CDK14: variants seen among roughly 807,000 people sequenced by gnomAD.
CDK14 encodes the protein cyclin-dependent kinase 14.
CDK14 carries 34 observed loss-of-function variants against 60.7 expected under a neutral mutation model. The ratio of observed to expected loss-of-function variants is 0.56; its 90% CI spans 0.43 to 0.75. The LOEUF (loss-of-function observed/expected upper bound fraction) is 0.75, where lower values mean the gene tolerates loss of function less well. Among genes scored for constraint, CDK14 ranks in the 30% least tolerant of loss-of-function variants. The pLI, the probability that CDK14 is intolerant of heterozygous loss-of-function variation, is 0.00. For synonymous variants in CDK14, 197 were observed against 203.7 expected, an observed-to-expected ratio of 0.97 and a Z score of 0.28; for missense variants, 482 against 564.1, an observed-to-expected ratio of 0.85 and a Z score of 1.47.
chr7:91,040,677 T>G (rs909889103), intron 10 of CDK14, among the ~76,000 whole-genome samples: 9 of 152,296 alleles, frequency 5.9e-5, no homozygotes, highest in African/African-American at 2.2e-4. Context: ...TGAGCCAGTT[T>G]TGTGTCCCAT....
At chr7:90,877,523 G>C (rs1257345543) in intron 6 of CDK14, among the ~76,000 whole-genome samples, 1 of 152,058 alleles carries the variant, frequency 6.6e-6, no homozygotes, top group East Asian at 1.9e-4. Context: ...TAAAGCTTTG[G>C]ATCTCAATTA....
intron 9 of CDK14, among the ~76,000 whole-genome samples, chr7:90,978,035 G>A (rs1286354898): frequency 2.0e-5 from 3 of 152,136 alleles, no homozygotes; most frequent in East Asian, 1.9e-4. Flanking sequence ...ATAGGTGGTC[G>A]CTGGGAAAGA....
At chr7:90,899,554 T>G (rs1792436546) in intron 7 of CDK14, among the ~76,000 whole-genome samples, 1 of 152,124 alleles carries the variant, frequency 6.6e-6, no homozygotes, top group Non-Finnish European at 1.5e-5. Flanking sequence ...ACTGGGGTAT[T>G]AATATTTAGA....
intron 11 of CDK14, among the ~76,000 whole-genome samples, chr7:91,066,633 A>G (rs1414493416): frequency 1.3e-5 from 2 of 152,208 alleles, no homozygotes; most frequent in African/African-American, 4.8e-5. Flanking sequence ...TGTGGGTTAA[A>G]GTTTGCTTTG....
intron 10 of CDK14, among the ~76,000 whole-genome samples, chr7:91,022,108 G>T (rs1306688331): frequency 6.6e-6 from 1 of 152,154 alleles, no homozygotes; most frequent in Non-Finnish European, 1.5e-5. Flanking sequence ...GGTGAAAGCT[G>T]TTCCTCCTCC....
intron 11 of CDK14, 136 bp from the exon 12 acceptor site, chr7:91,079,296 A>G (rs571399195): frequency 1.7e-5 from 10 of 592,468 alleles, no homozygotes; most frequent in African/African-American, 1.5e-4. Flanking sequence ...TGCCCAGTAT[A>G]AAAGTGAAGA....
chr7:91,067,182 T>A (rs1168379519), intron 11 of CDK14, among the ~76,000 whole-genome samples: 1 of 152,242 alleles, frequency 6.6e-6, no homozygotes, highest in African/African-American at 2.4e-5. Context: ...TTTTAACACC[T>A]TTTTGTTTTC....
At position 90,786,482 on chromosome 7, in the gene CDK14, A is replaced by G. The variant is rs117243500; in HGVS notation, c.465-4091A>G. ...TATATGTTTGAAGTTTTCATAAAAT[A>G]GGTTAAATCCACAAGATAATTAGAA... On this transcript the variant is annotated intron_variant, in intron 4 of 14. Coordinates refer to ENST00000380050, the MANE Select transcript of CDK14 (RefSeq NM_001287135.2). Among the ~76,000 whole-genome samples, 21 of 152,366 alleles carry G rather than the reference A, an allele frequency of 1.4e-4. No homozygotes were observed. In the East Asian group the frequency reaches 3.7e-3, roughly 27 times the overall value.
At position 90,751,364 on chromosome 7, in the gene CDK14, T is replaced by G. The variant is rs76030086; in HGVS notation, c.464+3589T>G. Among the ~76,000 whole-genome samples the G allele has an allele frequency of 6.7e-4, 102 of 152,306 alleles. 1 individual carries two copies. In the East Asian group the frequency reaches 0.019, roughly 28 times the overall value. ...TACAAGCCAGGAGAGTTTGGGGGCCTGTTTTCACCATTCTTAAAATAAATC... is the reference window on the plus strand; with the variant it reads ...TACAAGCCAGGAGAGTTTGGGGGCCGGTTTTCACCATTCTTAAAATAAATC... On this transcript the variant is annotated intron_variant, in intron 4 of 14. Coordinates refer to ENST00000380050, the MANE Select transcript of CDK14 (RefSeq NM_001287135.2).
At chr7:90,919,329 G>A (rs191665180) in intron 8 of CDK14, among the ~76,000 whole-genome samples, 4 of 152,166 alleles carry the variant, frequency 2.6e-5, no homozygotes, top group Admixed American at 2.6e-4. Context: ...AGGATTGTAT[G>A]TTTGTGCTTA....
chr7:91,123,319 AT>A (rs1021795885), intron 14 of CDK14, among the ~76,000 whole-genome samples: 113 of 151,162 alleles, frequency 7.5e-4, no homozygotes, highest in African/African-American at 2.4e-3. Context: ...TTATCCTACA[AT>A]TTTTTTTTCC....
At chr7:91,147,828 T>C (rs1373031284) in intron 14 of CDK14, among the ~76,000 whole-genome samples, 1 of 152,196 alleles carries the variant, frequency 6.6e-6, no homozygotes, top group Admixed American at 6.5e-5. Context: ...ATGATAATAC[T>C]TGATAACTTT....
intron 5 of CDK14, among the ~76,000 whole-genome samples, chr7:90,815,043 G>A (rs768751800): frequency 7.2e-5 from 11 of 151,936 alleles, no homozygotes; most frequent in Non-Finnish European, 1.2e-4. Flanking sequence ...TTTACTTTTT[G>A]TTCATTTTTG....
intron 2 of CDK14, among the ~76,000 whole-genome samples, chr7:90,686,384 C>T (rs1245450982): frequency 6.6e-6 from 1 of 152,144 alleles, no homozygotes; most frequent in Non-Finnish European, 1.5e-5. Flanking sequence ...AGTCTTGGAT[C>T]ATTACCATGT....
chr7:91,165,316 G>C (rs1206704443), intron 14 of CDK14, among the ~76,000 whole-genome samples: 1 of 152,176 alleles, frequency 6.6e-6, no homozygotes, highest in African/African-American at 2.4e-5. Flanking sequence ...ACTGTAAGGA[G>C]TTTGTGCCAT....
intron 14 of CDK14, among the ~76,000 whole-genome samples, chr7:91,165,369 C>T (rs1801313859): frequency 6.6e-6 from 1 of 152,140 alleles, no homozygotes; most frequent in Admixed American, 6.5e-5. Context: ...AGCAAATGAG[C>T]ACCGTGTTAG....
intron 9 of CDK14, chr7:90,979,521 G>A (rs1395575984): frequency 2.0e-5 from 3 of 152,168 alleles, no homozygotes; most frequent in Admixed American, 6.5e-5. Flanking sequence ...AATGGAATAC[G>A]TTATAATTAC....
chr7:91,187,057 A>G (rs1342529536), intron 14 of CDK14, among the ~76,000 whole-genome samples: 1 of 152,242 alleles, frequency 6.6e-6, no homozygotes, highest in Non-Finnish European at 1.5e-5. Context: ...ACAGTACGTA[A>G]TTATGTGCAT....
At chr7:91,193,908 A>G (rs1194060650) in intron 14 of CDK14, among the ~76,000 whole-genome samples, 1 of 152,118 alleles carries the variant, frequency 6.6e-6, no homozygotes, top group Non-Finnish European at 1.5e-5. Flanking sequence ...TCTTCTTGCC[A>G]TTAATTGTTT....
Sources: allele counts gnomAD v4.1 joint callset (sites outside exome capture counted in the v4.1 genomes callset), GRCh38; gene constraint gnomAD v4.1.1; transcripts MANE v1.5; gene names NCBI Gene and HGNC (gene_info 2026-07-23, HGNC 2026-07-21).